Variants in SKP1 observed in about 807,000 individuals in gnomAD.
The protein encoded by SKP1 is S-phase kinase-associated protein 1.
A neutral mutation model predicts 21.5 loss-of-function variants in SKP1; 1 was observed. The ratio of observed to expected loss-of-function variants is 0.05; its 90% CI spans 0.02 to 0.22. The LOEUF (loss-of-function observed/expected upper bound fraction) is 0.22, where lower values mean the gene tolerates loss of function less well. Among genes scored for constraint, SKP1 ranks in the 10% least tolerant of loss-of-function variants. SKP1 has a pLI of 1.00. For missense variants in SKP1, 70 were observed against 192.0 expected, an observed-to-expected ratio of 0.36 and a Z score of 3.76; for synonymous variants, 59 against 59.3, an observed-to-expected ratio of 0.99 and a Z score of 0.03.
chr5:134,165,754 C>T (rs1196422371), intron 3 of SKP1, among the ~76,000 whole-genome samples: 8 of 151,818 alleles, frequency 5.3e-5, no homozygotes, highest in African/African-American at 1.9e-4. Context: ...GGCGTGGTGG[C>T]GAGTGCCTGT....
Position 134,151,630 on chromosome 5 carries a change from G to T in SKP1, c.*6103C>A, listed in dbSNP as rs1427934949. The T allele has an allele frequency of 6.6e-6, 3 of 455,484 alleles. No individual in the cohort carries two copies. Among genetic ancestry groups the T allele is most frequent in the African/African-American group, 6.0e-5 (3 of 50,056 alleles). 28.2% of individuals were successfully genotyped at this position (455,484 alleles called of 1,614,324 possible). On this transcript the variant is annotated 3_prime_UTR_variant, in exon 6 of 6. Transcript: ENST00000353411. ...ATTTGAAGTTAAGAGATATCAGAAG[G>T]TCTGAATATACTTAAATACTTCCAG...
At chr5:134,174,382 C>T (rs576204011) in intron 1 of SKP1, 21 of 446,874 alleles carry the variant, frequency 4.7e-5, no homozygotes, top group African/African-American at 4.5e-4. Context: ...CAATTAACTA[C>T]ATGCGAACCT....
At chr5:134,176,201 T>C (rs959797812) in intron 1 of SKP1, among the ~76,000 whole-genome samples, 8 of 152,182 alleles carry the variant, frequency 5.3e-5, no homozygotes, top group Non-Finnish European at 1.2e-4. Context: ...CTGACGATGG[T>C]ATCTGCTCAA....
chr5:134,158,852 G>C (rs981165970), intron 4 of SKP1, among the ~76,000 whole-genome samples: 1 of 152,130 alleles, frequency 6.6e-6, no homozygotes, highest in Non-Finnish European at 1.5e-5. Flanking sequence ...GGCCACTACT[G>C]TTGTGTATGT....
At chr5:134,163,289 T>C (rs984842911) in intron 3 of SKP1, among the ~76,000 whole-genome samples, 1 of 139,716 alleles carries the variant, frequency 7.2e-6, no homozygotes, top group Non-Finnish European at 1.6e-5. Flanking sequence ...TAAAAGGATA[T>C]ATAAAGAAAC....
chr5:134,176,003 G>A (rs751886269), intron 1 of SKP1, among the ~76,000 whole-genome samples: 5 of 152,144 alleles, frequency 3.3e-5, no homozygotes, highest in Non-Finnish European at 7.3e-5. Context: ...CAGTGGAGGA[G>A]ACGGTATTGT....
chr5:134,169,158 A>G (rs1580620583), intron 2 of SKP1, among the ~76,000 whole-genome samples: 2 of 152,236 alleles, frequency 1.3e-5, no homozygotes, highest in South Asian at 2.1e-4. Flanking sequence ...ACAGGTCTAG[A>G]TAAGAACTGA....
intron 2 of SKP1, among the ~76,000 whole-genome samples, chr5:134,173,046 G>A (rs1761475786): frequency 6.7e-6 from 1 of 149,746 alleles, no homozygotes; most frequent in African/African-American, 2.5e-5. Context: ...TAAAAAATCA[G>A]CTGGGGCAGG....
At chr5:134,165,908 G>A (rs1215495070) in intron 3 of SKP1, among the ~76,000 whole-genome samples, 1 of 144,190 alleles carries the variant, frequency 6.9e-6, no homozygotes, top group Admixed American at 6.9e-5. Context: ...AAAAAATTCA[G>A]GTTAGCCAGG....
intron 4 of SKP1, among the ~76,000 whole-genome samples, chr5:134,159,015 A>G (rs762083186): frequency 6.6e-6 from 1 of 152,196 alleles, no homozygotes; most frequent in Non-Finnish European, 1.5e-5. Flanking sequence ...CCTGTTTTCT[A>G]TTTCATTGAT....
rs536233606 is a variant in SKP1, at chr5:134,159,415, C to G, written c.316-820G>C. On this transcript the variant is annotated intron_variant, in intron 4 of 5. Coordinates refer to ENST00000353411, the MANE Select transcript of SKP1 (RefSeq NM_170679.3). The stretch of plus-strand genomic sequence containing the variant: ...TTTTTTTTTAAGACACCGTCTCACT[C>G]TGTCACCCAGGCTGGAATTCAGTGG... Among the ~76,000 whole-genome samples, 3 of 152,288 alleles carry G rather than the reference C, an allele frequency of 2.0e-5. No homozygotes were observed. The South Asian group carries it at 6.2e-4, about 32-fold the overall frequency.
intron 3 of SKP1, among the ~76,000 whole-genome samples, chr5:134,165,137 A>AG (rs1164973794): frequency 6.6e-6 from 1 of 151,950 alleles, no homozygotes; most frequent in Non-Finnish European, 1.5e-5. Context: ...GTGGGATGAT[A>AG]AAGTTCTGAA....
intron 3 of SKP1, among the ~76,000 whole-genome samples, chr5:134,165,946 A>G (rs906024275): frequency 4.6e-5 from 7 of 151,796 alleles, no homozygotes. Context: ...TAATCCCAGC[A>G]CTTTGGGAGG....
At chr5:134,164,337 A>G (rs1402334526) in intron 3 of SKP1, among the ~76,000 whole-genome samples, 1 of 148,132 alleles carries the variant, frequency 6.8e-6, no homozygotes, top group Non-Finnish European at 1.5e-5. Flanking sequence ...AAAAAAAAAA[A>G]AAAAAAAAAA....
Position 134,159,385 on chromosome 5 carries a change from G to A in SKP1, c.316-790C>T, listed in dbSNP as rs184925510. Among the ~76,000 whole-genome samples the A allele has an allele frequency of 5.6e-3, 843 of 150,516 alleles. 6 individuals are homozygous for A. The highest frequency in any genetic ancestry group is 0.019 in the African/African-American group (796 of 40,980). On this transcript the variant is annotated intron_variant, in intron 4 of 5. Transcript: ENST00000353411. The stretch of plus-strand genomic sequence containing the variant: ...GTATGACCTGAATCCTTTTACAATG[G>A]AGACTTTTTTTTTAAGACACCGTCT...
chr5:134,175,050 T>G (rs1294667939), intron 1 of SKP1: 1 of 152,240 alleles, frequency 6.6e-6, no homozygotes, highest in East Asian at 1.9e-4. Context: ...TCTGAAGTTT[T>G]CTAGGTGTGT....
chr5:134,161,402 T>C (rs1205499953), intron 3 of SKP1: 2 of 288,992 alleles, frequency 6.9e-6, no homozygotes, highest in Non-Finnish European at 1.3e-5. Flanking sequence ...GTTAGGACAA[T>C]GACTGGAAGA....
At position 134,166,172 on chromosome 5, in the gene SKP1, G is replaced by A. The variant is rs570291880; in HGVS notation, c.171+998C>T. The stretch of plus-strand genomic sequence containing the variant: ...TGCACTCCAGCCTGGGCAACAGGGC[G>A]AGGCTCCATCTCAAAAAAAAAAAAG... On this transcript the variant is annotated intron_variant, in intron 3 of 5. Transcript: ENST00000353411. Among the ~76,000 whole-genome samples, 35 of 148,880 alleles carry A rather than the reference G, an allele frequency of 2.4e-4. No homozygotes were observed. The East Asian group carries it at 5.3e-3, about 22-fold the overall frequency.
At chr5:134,175,589 AAAGC>A (rs1413467652) in intron 1 of SKP1, 1 of 152,252 alleles carries the variant, frequency 6.6e-6, no homozygotes, top group Non-Finnish European at 1.5e-5. Context: ...AATTACTCTA[AAAGC>A]AAGACGACCG....
Sources: allele counts gnomAD v4.1 joint callset (sites outside exome capture counted in the v4.1 genomes callset), GRCh38; gene constraint gnomAD v4.1.1; transcripts MANE v1.5; gene names NCBI Gene and HGNC (gene_info 2026-07-23, HGNC 2026-07-21).